Variants in LMO7 observed in about 807,000 individuals in gnomAD.
LMO7 encodes the protein LIM domain 7, also known as LIM domain only protein 7.
Under a neutral mutation model 206.5 loss-of-function variants are expected in LMO7, and 120 were observed. The ratio of observed to expected loss-of-function variants is 0.58; its 90% CI spans 0.50 to 0.68. LMO7 has a LOEUF of 0.68. LMO7 is among the 30% of genes least tolerant of loss of function. The probability of loss-of-function intolerance (pLI) is 0.00; values close to 1 mark genes in which losing one functional copy is unlikely to be tolerated. For missense variants in LMO7, 1,959 were observed against 1,957.9 expected (o/e 1.00, Z -0.01); for synonymous variants, 706 against 681.5 (o/e 1.04, Z -0.56).
In LMO7 at chr13:75,807,735, T is replaced by C. The variant is rs1371508639; in HGVS notation, c.1452T>C (p.Phe484=). 1.2e-5 allele frequency: 19 copies of C among 1,614,040 alleles called. No homozygotes were observed. The highest frequency in any genetic ancestry group is 1.5e-5 in the Non-Finnish European group (18 of 1,179,898). The part of the protein sequence containing the change: ...NPYVLRAFED[F]RKFSEQDDSV... The stretch of plus-strand genomic sequence containing the variant: ...ATGTTCTCCGAGCTTTTGAAGACTT[T>C]AGAAAGTTCTCTGAGCAAGATGATT... Residue 484 remains phenylalanine, a synonymous_variant, in exon 10 of 31, where the codon TTT becomes TTC. Coordinates refer to ENST00000377534, the MANE Select transcript of LMO7 (RefSeq NM_001306080.2).
chr13:75,809,262 A>T, intron 11 of LMO7, 79 bp downstream of exon 11: 1 of 1,196,746 alleles, frequency 8.4e-7, no homozygotes, highest in South Asian at 1.2e-5. Context: ...CTGGCATGGC[A>T]TGTCACTAAA....
At chr13:75,721,478 C>T (rs1198395424) in intron 2 of LMO7, among the ~76,000 whole-genome samples, 1 of 152,168 alleles carries the variant, frequency 6.6e-6, no homozygotes. Context: ...ATTTAGTACA[C>T]ATTAAAATGC....
intron 4 of LMO7, among the ~76,000 whole-genome samples, chr13:75,771,257 C>A (rs1332792647): frequency 6.6e-6 from 1 of 151,994 alleles, no homozygotes; most frequent in African/African-American, 2.4e-5. Context: ...TAAATAAGAA[C>A]ATATGTACCT....
At chr13:75,723,771 AAAGG>A (rs1818960484) in intron 2 of LMO7, among the ~76,000 whole-genome samples, 1 of 152,140 alleles carries the variant, frequency 6.6e-6, no homozygotes, top group Non-Finnish European at 1.5e-5. Flanking sequence ...AGTGAGAAGA[AAAGG>A]AAGGAGGCAA....
intron 1 of LMO7, among the ~76,000 whole-genome samples, chr13:75,705,877 G>A (rs1212124464): frequency 6.7e-6 from 1 of 150,332 alleles, no homozygotes; most frequent in Non-Finnish European, 1.5e-5. Flanking sequence ...TCAGAAGACA[G>A]AAAGTAATTT....
intron 25 of LMO7, among the ~76,000 whole-genome samples, chr13:75,844,944 T>G (rs1271216372): frequency 6.6e-6 from 1 of 151,936 alleles, no homozygotes; most frequent in Non-Finnish European, 1.5e-5. Context: ...CTGGGGAGTG[T>G]GGGGGAAGTG....
chr13:75,753,587 A>G (rs980697754), intron 3 of LMO7, among the ~76,000 whole-genome samples: 12 of 152,244 alleles, frequency 7.9e-5, no homozygotes, highest in African/African-American at 2.9e-4. Context: ...AGGTAATTGA[A>G]TCATGGGGGT....
At chr13:75,851,350 A>G (rs756762105) in intron 27 of LMO7, among the ~76,000 whole-genome samples, 1 of 152,240 alleles carries the variant, frequency 6.6e-6, no homozygotes, top group Non-Finnish European at 1.5e-5. Flanking sequence ...ATATAGACAC[A>G]TCTATACTTA....
chr13:75,726,878 A>T lies in LMO7; in HGVS notation c.141-151A>T, dbSNP rs952561340. On this transcript the variant is annotated intron_variant, in intron 2 of 30. Transcript: ENST00000377534. ...GTGCTCTTCTTTGTCTCTAGACTTG[A>T]TATCTTGGTTATTTGCTTTTTGATG... is the stretch of plus-strand genomic sequence containing the variant. 7.8e-6 allele frequency: 5 copies of T among 638,028 alleles called. No individual in the cohort carries two copies. In the African/African-American group the frequency reaches 9.4e-5, roughly 12 times the overall value. 39.5% of individuals were successfully genotyped at this position (638,028 alleles called of 1,614,324 possible).
intron 2 of LMO7, among the ~76,000 whole-genome samples, chr13:75,720,416 G>GT (rs966243582): frequency 6.6e-6 from 1 of 152,128 alleles, no homozygotes; most frequent in Admixed American, 6.5e-5. Flanking sequence ...CAAACCTAAA[G>GT]TCTCTAGACT....
intron 4 of LMO7, among the ~76,000 whole-genome samples, chr13:75,788,546 C>T (rs58447742): frequency 0.17 from 25,854 of 151,932 alleles, 2,873 homozygotes; most frequent in Admixed American, 0.28. Context: ...CACATGCCTC[C>T]GCTCTTGCCC....
chr13:75,632,764 T>C (rs1466069702), upstream of LMO7, among the ~76,000 whole-genome samples: 2 of 152,192 alleles, frequency 1.3e-5, no homozygotes, highest in African/African-American at 4.8e-5. Context: ...AATGTCCTAC[T>C]GGACTGAATA....
chr13:75,735,692 T>C (rs1191346619), intron 3 of LMO7, among the ~76,000 whole-genome samples: 1 of 151,508 alleles, frequency 6.6e-6, no homozygotes, highest in African/African-American at 2.4e-5. Context: ...GCCCGGGTAG[T>C]CTTGATCTCC....
intron 1 of LMO7, among the ~76,000 whole-genome samples, chr13:75,670,143 T>G (rs2139369212): frequency 6.6e-6 from 1 of 152,334 alleles, no homozygotes; most frequent in Non-Finnish European, 1.5e-5. Context: ...GCCTCTTTGC[T>G]TAATAGGAGA....
rs1467804721 is a variant in LMO7 at position 75,847,283 on chromosome 13, TG to T, written c.4151-1793del. 3.3e-5 allele frequency among the ~76,000 whole-genome samples: 5 copies of T among 152,338 alleles called. No homozygotes were observed. The East Asian group carries it at 7.7e-4, about 23-fold the overall frequency. On this transcript the variant is annotated intron_variant, in intron 26 of 30. Transcript: ENST00000377534. ...AGGTGGGAATGATACGTCAAAGTTG[TG>T]GGTGTTTTACCCCAATCAGAAACTA...
intron 1 of LMO7, among the ~76,000 whole-genome samples, chr13:75,664,632 A>G (rs1006227227): frequency 9.9e-5 from 15 of 152,064 alleles, no homozygotes; most frequent in African/African-American, 2.7e-4. Context: ...GGTTGTACTG[A>G]TTTACATTTC....
At chr13:75,705,015 C>A (rs191285128) in intron 1 of LMO7, among the ~76,000 whole-genome samples, 51 of 152,290 alleles carry the variant, frequency 3.3e-4, no homozygotes, top group Admixed American at 3.3e-4. Flanking sequence ...AACTTCCTAT[C>A]AAGGGCTTCT....
intron 6 of LMO7, among the ~76,000 whole-genome samples, chr13:75,797,160 G>A (rs2054130803): frequency 6.6e-6 from 1 of 152,208 alleles, no homozygotes; most frequent in East Asian, 1.9e-4. Context: ...GTAGTAATAT[G>A]TTCTTGTCAT....
chr13:75,726,304 C>T (rs948158148), intron 2 of LMO7, among the ~76,000 whole-genome samples: 2 of 151,958 alleles, frequency 1.3e-5, no homozygotes, highest in African/African-American at 2.4e-5. Context: ...CAAAATCGTA[C>T]TCAAGTTTCA....
Sources: gnomAD v4.1 joint callset for allele counts (sites outside exome capture counted in the v4.1 genomes callset) on GRCh38, gnomAD v4.1.1 for gene constraint, MANE v1.5 for transcripts, NCBI Gene and HGNC (gene_info 2026-07-23, HGNC 2026-07-21) for gene names.